Variants in DOCK7 observed in about 807,000 individuals in gnomAD.
DOCK7 encodes the protein dedicator of cytokinesis 7.
Under a neutral mutation model 271.0 loss-of-function variants are expected in DOCK7, and 138 were observed. That is an observed-to-expected ratio of 0.51 (90% confidence interval 0.44 to 0.59). DOCK7 has a LOEUF of 0.59. Among genes scored for constraint, DOCK7 ranks in the 20% least tolerant of loss-of-function variants. DOCK7 has a pLI of 0.00. For synonymous variants in DOCK7, 823 were observed against 876.1 expected (o/e 0.94, Z 1.07); for missense variants, 2,066 against 2,592.4 (o/e 0.80, Z 4.41).
chr1:62,548,703 G>A (rs1472003925), intron 22 of DOCK7, among the ~76,000 whole-genome samples: 1 of 152,300 alleles, frequency 6.6e-6, no homozygotes, highest in East Asian at 1.9e-4. Flanking sequence ...TTATGGGCGT[G>A]AGCCACCACG....
In DOCK7 at chr1:62,589,571, T is replaced by C. The variant is rs534549879; in HGVS notation, c.1683-2947A>G. 5.3e-5 allele frequency among the ~76,000 whole-genome samples: 8 copies of C among 152,120 alleles called. No homozygotes were observed. The South Asian group carries it at 6.2e-4, about 12-fold the overall frequency. On this transcript the variant is annotated intron_variant, in intron 14 of 49. Coordinates refer to ENST00000635253, the MANE Select transcript of DOCK7 (RefSeq NM_001367561.1). Reference sequence around the variant, plus strand: ...CCACAACGTGAGCATTCATTGTGGATTGGTCACTGTTTCTAGACAATTTAA... The same window carrying C: ...CCACAACGTGAGCATTCATTGTGGACTGGTCACTGTTTCTAGACAATTTAA...
At position 62,504,702 on chromosome 1, in the gene DOCK7, G is replaced by A; in HGVS notation, c.4692C>T (p.Ser1564=). 1.2e-6 allele frequency: 2 copies of A among 1,614,102 alleles called. No homozygotes were observed. Residue 1564 remains serine, a synonymous_variant, in exon 37 of 50, where the codon AGC becomes AGT. Transcript: ENST00000635253. ...TGGCGTGTGACCGTATTGTACCGAT[G>A]CTACTGCTACAGTGTCGGAGAAGCC... ...CLRLLRHCSS[S]IGTIRSHASA...
At chr1:62,500,075 T>C (rs1267412170) in intron 37 of DOCK7, among the ~76,000 whole-genome samples, 1 of 152,126 alleles carries the variant, frequency 6.6e-6, no homozygotes, top group Admixed American at 6.6e-5. Context: ...TCCCTATAAA[T>C]GCTTGGGCCA....
chr1:62,607,221 C>G (rs1380418774), intron 14 of DOCK7, among the ~76,000 whole-genome samples: 1 of 151,726 alleles, frequency 6.6e-6, no homozygotes, highest in Non-Finnish European at 1.5e-5. Flanking sequence ...AACAAATTCC[C>G]CAGCCCCTTA....
At chr1:62,507,339 C>T (rs546315523) in intron 35 of DOCK7, among the ~76,000 whole-genome samples, 2 of 152,228 alleles carry the variant, frequency 1.3e-5, no homozygotes, top group South Asian at 2.1e-4. Context: ...ATACTAGCTG[C>T]GTCATTATGG....
Position 62,559,238 on chromosome 1 carries a change from C to A in DOCK7, c.2200-18G>T. 6.3e-7 allele frequency: 1 copy of A among 1,589,692 alleles called. No homozygotes were observed. The highest frequency in any genetic ancestry group is 8.6e-7 in the Non-Finnish European group (1 of 1,160,612). ...TAAGGATCCTAAAACAAAGAATAAA[C>A]AAAAGCACTAAGCACTTATAACTTT... On this transcript the variant is annotated intron_variant, in intron 19 of 49. Transcript: ENST00000635253.
At chr1:62,514,696 G>T (rs1347725135) in intron 31 of DOCK7, among the ~76,000 whole-genome samples, 3 of 150,494 alleles carry the variant, frequency 2.0e-5, no homozygotes, top group African/African-American at 7.3e-5. Context: ...AAATGTGCAA[G>T]AAACTATGCT....
chr1:62,504,597 G>A, intron 37 of DOCK7, 33 bp downstream of exon 37: 1 of 1,591,206 alleles, frequency 6.3e-7, no homozygotes, highest in South Asian at 1.1e-5. Flanking sequence ...ATTTCATTAT[G>A]AATACAGAGA....
intron 43 of DOCK7, chr1:62,484,522 C>A (rs765653893): frequency 5.3e-5 from 8 of 152,146 alleles, no homozygotes; most frequent in African/African-American, 1.7e-4. Flanking sequence ...TAGGGTCTCA[C>A]TCTGTCATCC....
intron 48 of DOCK7, among the ~76,000 whole-genome samples, chr1:62,468,062 A>G (rs1185415388): frequency 6.6e-6 from 1 of 152,160 alleles, no homozygotes; most frequent in Non-Finnish European, 1.5e-5. Flanking sequence ...GCACCCCTTG[A>G]TGATTAAAAG....
At chr1:62,578,458 G>A (rs1004951607) in intron 17 of DOCK7, among the ~76,000 whole-genome samples, 6 of 151,572 alleles carry the variant, frequency 4.0e-5, no homozygotes, top group South Asian at 2.1e-4. Context: ...CATGGCTCAC[G>A]CCTGTAATCC....
rs777647463 is a variant in DOCK7, at chr1:62,475,203, C to A, written c.6105+5G>T. ...AATCACACAGTGCTAGCAAAAAGCA[C>A]TAACCTGATTCACTGTGGTGCCTAC... On this transcript the variant is annotated splice_donor_5th_base_variant and intron_variant, in intron 47 of 49. Coordinates refer to ENST00000635253, the MANE Select transcript of DOCK7 (RefSeq NM_001367561.1). The A allele has an allele frequency of 1.9e-6, 3 of 1,612,286 alleles. No homozygotes were observed. In the Admixed American group the frequency reaches 5.0e-5, roughly 27 times the overall value.
intron 11 of DOCK7, among the ~76,000 whole-genome samples, chr1:62,630,006 C>T (rs78942743): frequency 0.024 from 3,643 of 152,252 alleles, 153 homozygotes; most frequent in East Asian, 0.066. Context: ...GTTCCAGCAG[C>T]GCATGAAAGA....
intron 31 of DOCK7, among the ~76,000 whole-genome samples, chr1:62,514,640 A>AGAT (rs1194803011): frequency 6.6e-6 from 1 of 152,134 alleles, no homozygotes; most frequent in Non-Finnish European, 1.5e-5. Flanking sequence ...ATAAAAATAC[A>AGAT]GATGATAATA....
intron 19 of DOCK7, 110 bp from the exon 20 acceptor site, chr1:62,559,330 G>A: frequency 1.5e-6 from 1 of 666,552 alleles, no homozygotes; most frequent in Non-Finnish European, 2.5e-6. Flanking sequence ...ACACTAAAAA[G>A]TTCAAGTAGG....
chr1:62,540,119 A>G (rs1645480742), intron 25 of DOCK7, among the ~76,000 whole-genome samples: 3 of 152,084 alleles, frequency 2.0e-5, no homozygotes, highest in Admixed American at 2.0e-4. Flanking sequence ...AGCTAACAAT[A>G]GGACAAAAAA....
chr1:62,597,654 T>C, intron 14 of DOCK7: 1 of 1,613,426 alleles, frequency 6.2e-7, no homozygotes, highest in Non-Finnish European at 8.5e-7. Flanking sequence ...TGATTCTCTA[T>C]CTCCAGAGCC....
At chr1:62,461,208 TC>T (rs1437954017) in intron 48 of DOCK7, among the ~76,000 whole-genome samples, 1 of 152,082 alleles carries the variant, frequency 6.6e-6, no homozygotes, top group Non-Finnish European at 1.5e-5. Context: ...GAAAATGATG[TC>T]CTCTCTATTC....
In DOCK7 at chr1:62,537,875, C is replaced by T; in HGVS notation, c.3471+16G>A. The T allele has an allele frequency of 1.9e-6, 3 of 1,605,190 alleles. No homozygotes were observed. The highest frequency in any genetic ancestry group is 2.6e-6 in the Non-Finnish European group (3 of 1,173,826). ...AAGTGACTTTAAATATATGTATATT[C>T]ACACAATTTGCATACCTGAGATGTT... On this transcript the variant is annotated intron_variant, in intron 28 of 49. Coordinates refer to ENST00000635253, the MANE Select transcript of DOCK7 (RefSeq NM_001367561.1).
Sources: allele counts gnomAD v4.1 joint callset (sites outside exome capture counted in the v4.1 genomes callset), GRCh38; gene constraint gnomAD v4.1.1; transcripts MANE v1.5; gene names NCBI Gene and HGNC (gene_info 2026-07-23, HGNC 2026-07-21).